The following ARHGAP12 variants were observed in gnomAD, a reference collection of about 807,000 sequenced individuals.
The protein encoded by ARHGAP12 is Rho GTPase activating protein 12, also known as rho GTPase-activating protein 12.
In ARHGAP12, 64 loss-of-function variants were observed where a neutral mutation model predicts 108.6. The observed-to-expected ratio is 0.59, with a 90% CI of 0.48 to 0.73. The LOEUF is 0.73. Among genes scored for constraint, ARHGAP12 ranks in the 30% least tolerant of loss-of-function variants. The probability of loss-of-function intolerance (pLI) is 0.00; values close to 1 mark genes in which losing one functional copy is unlikely to be tolerated. For synonymous variants in ARHGAP12, 312 were observed against 337.2 expected, an observed-to-expected ratio of 0.93 and a Z score of 0.82; for missense variants, 940 against 1,005.9, an observed-to-expected ratio of 0.93 and a Z score of 0.89.
At chr10:31,883,113 T>C (rs769013369) in intron 3 of ARHGAP12, among the ~76,000 whole-genome samples, 2 of 151,914 alleles carry the variant, frequency 1.3e-5, no homozygotes, top group Admixed American at 6.6e-5. Flanking sequence ...CTGATCAACA[T>C]GGAGAAACCC....
chr10:31,907,016 C>G (rs879840305), intron 3 of ARHGAP12, among the ~76,000 whole-genome samples: 7 of 152,146 alleles, frequency 4.6e-5, no homozygotes, highest in Non-Finnish European at 1.0e-4. Context: ...ATCTCAAACA[C>G]TAGAAGTTTT....
intron 1 of ARHGAP12, among the ~76,000 whole-genome samples, chr10:31,911,443 T>C (rs765314852): frequency 2.0e-5 from 3 of 152,034 alleles, no homozygotes; most frequent in Admixed American, 1.3e-4. Context: ...GCCTCCCGAG[T>C]AGCGGGAACT....
At chr10:31,858,528 TATCCTGGGCAACATAACAAG>T (rs1397804935) in intron 4 of ARHGAP12, among the ~76,000 whole-genome samples, 1 of 152,060 alleles carries the variant, frequency 6.6e-6, no homozygotes, top group Non-Finnish European at 1.5e-5. Flanking sequence ...GCGTTGAGTC[TATCCTGGGCAACATAACAAG>T]ATCCTGTCTC....
chr10:31,887,605 C>A (rs185805630), intron 3 of ARHGAP12, among the ~76,000 whole-genome samples: 14 of 151,620 alleles, frequency 9.2e-5, no homozygotes, highest in African/African-American at 3.4e-4. Context: ...GAGACAAAGA[C>A]ATGCACAAAC....
intron 4 of ARHGAP12, among the ~76,000 whole-genome samples, chr10:31,854,718 A>C (rs2132288607): frequency 6.6e-6 from 1 of 152,162 alleles, no homozygotes; most frequent in Non-Finnish European, 1.5e-5. Flanking sequence ...AATTCTCCTA[A>C]CTCATTCAGT....
intron 3 of ARHGAP12, among the ~76,000 whole-genome samples, chr10:31,864,673 T>C (rs756315370): frequency 9.2e-5 from 14 of 152,148 alleles, no homozygotes; most frequent in Non-Finnish European, 1.6e-4. Flanking sequence ...TTAGATGTGA[T>C]AAAGAGAGGA....
In ARHGAP12 at chr10:31,908,658, G is replaced by A; in HGVS notation, c.198C>T (p.Ala66=). 1 of 1,614,080 alleles carries A rather than the reference G, an allele frequency of 6.2e-7. No individual in the cohort carries two copies. Among genetic ancestry groups the A allele is most frequent in the African/African-American group, 1.3e-5 (1 of 75,026 alleles). The change falls in exon 3 of 20, where the codon GCC becomes GCT. Residue 66 remains alanine (A), a synonymous_variant. Coordinates refer to ENST00000344936, the MANE Select transcript of ARHGAP12 (RefSeq NM_018287.7). ...TGCGCGTGACCTCCTTCACATACTG[G>A]GCTGGCACATAAAACGCTTTGGAGT... ...DENSKAFYVP[A]QYVKEVTRKA... is the part of the protein sequence containing the mutation.
chr10:31,852,159 C>CA (rs1836705908), intron 6 of ARHGAP12, among the ~76,000 whole-genome samples: 1 of 152,020 alleles, frequency 6.6e-6, no homozygotes, highest in Non-Finnish European at 1.5e-5. Context: ...TTCTTTCTCT[C>CA]AAAAAATGAT....
At chr10:31,881,539 A>G (rs547423361) in intron 3 of ARHGAP12, among the ~76,000 whole-genome samples, 2 of 152,334 alleles carry the variant, frequency 1.3e-5, no homozygotes, top group Non-Finnish European at 2.9e-5. Flanking sequence ...TCCTTTAGCA[A>G]CAACAGAAAC....
intron 13 of ARHGAP12, among the ~76,000 whole-genome samples, chr10:31,816,258 A>G (rs1290834226): frequency 6.7e-6 from 1 of 149,230 alleles, no homozygotes; most frequent in Non-Finnish European, 1.5e-5. Flanking sequence ...TGTAGGTCTC[A>G]ATTAAAAAAC....
chr10:31,916,678 G>A (rs967211972), intron 1 of ARHGAP12, among the ~76,000 whole-genome samples: 4 of 152,062 alleles, frequency 2.6e-5, no homozygotes, highest in South Asian at 2.1e-4. Flanking sequence ...GTGCAGTGGC[G>A]CCATCTTGGC....
At chr10:31,848,968 G>C (rs1022640843) in intron 6 of ARHGAP12, among the ~76,000 whole-genome samples, 2 of 151,782 alleles carry the variant, frequency 1.3e-5, no homozygotes, top group African/African-American at 4.8e-5. Flanking sequence ...GTACGTAGGA[G>C]AATCACTTGA....
At position 31,852,521 on chromosome 10, in the gene ARHGAP12, G is replaced by C. The variant is rs1592289529; in HGVS notation, c.1166C>G (p.Pro389Arg). The C allele has an allele frequency of 1.9e-6, 3 of 1,606,064 alleles. No individual in the cohort carries two copies. The highest frequency in any genetic ancestry group is 2.2e-5 in the East Asian group (1 of 44,728). ...TTCGGTGTCAAGGTTTATTACCTTT[G>C]GCAATTCCCATTCTGACCGAGATCC... is the stretch of plus-strand genomic sequence containing the variant. The part of the protein sequence containing the change: ...ADGSRSEWEL[P>R]KYNASSQQQR... Residue 389 changes from proline (P) to arginine (R), a missense_variant, in exon 6 of 20, where the codon CCA (proline) becomes CGA (arginine). Pro to Arg is a moderately radical substitution (Grantham distance 103). Coordinates refer to ENST00000344936, the MANE Select transcript of ARHGAP12 (RefSeq NM_018287.7).
intron 9 of ARHGAP12, among the ~76,000 whole-genome samples, chr10:31,838,072 T>C (rs566415683): frequency 6.6e-6 from 1 of 152,306 alleles, no homozygotes; most frequent in South Asian, 2.1e-4. Context: ...AAGAGTATTA[T>C]AGGAAAACTT....
chr10:31,915,576 AAG>A (rs1839520421), intron 1 of ARHGAP12, among the ~76,000 whole-genome samples: 1 of 152,178 alleles, frequency 6.6e-6, no homozygotes, highest in Non-Finnish European at 1.5e-5. Flanking sequence ...GAAAACTGTA[AAG>A]AGAGTGGATG....
chr10:31,877,785 A>G (rs1837786160), intron 3 of ARHGAP12, among the ~76,000 whole-genome samples: 2 of 152,250 alleles, frequency 1.3e-5, no homozygotes, highest in South Asian at 2.1e-4. Context: ...GATATTTAGC[A>G]GATAATTAAT....
At chr10:31,836,385 C>G (rs1176053217) in intron 9 of ARHGAP12, among the ~76,000 whole-genome samples, 5 of 151,688 alleles carry the variant, frequency 3.3e-5, no homozygotes, top group African/African-American at 1.2e-4. Flanking sequence ...AAATTGTAGA[C>G]AAATATATTA....
chr10:31,837,439 C>A (rs993700143), intron 9 of ARHGAP12, among the ~76,000 whole-genome samples: 5 of 152,142 alleles, frequency 3.3e-5, no homozygotes, highest in African/African-American at 1.2e-4. Flanking sequence ...GAATTTAAAA[C>A]CTGGTAGGGA....
chr10:31,914,792 T>C (rs1057254976), intron 1 of ARHGAP12, among the ~76,000 whole-genome samples: 4 of 152,230 alleles, frequency 2.6e-5, no homozygotes, highest in African/African-American at 9.6e-5. Flanking sequence ...CTACTGGGCA[T>C]ATATTCTAAG....
Sources: allele counts gnomAD v4.1 joint callset (sites outside exome capture counted in the v4.1 genomes callset), GRCh38; gene constraint gnomAD v4.1.1; transcripts MANE v1.5; gene names NCBI Gene and HGNC (gene_info 2026-07-23, HGNC 2026-07-21).